Variants in CELF4 observed in about 807,000 individuals in gnomAD.
CELF4 encodes CUG-BP- and ETR-3-like factor 4.
A neutral mutation model predicts 59.9 loss-of-function variants in CELF4; 18 were observed. The ratio of observed to expected loss-of-function variants is 0.30; its 90% CI spans 0.21 to 0.45. CELF4 has a LOEUF of 0.45. Ranked by LOEUF, CELF4 falls within the 20% of genes least tolerant of loss-of-function variation. The pLI is 1.00. For synonymous variants in CELF4, 261 were observed against 267.1 expected (o/e 0.98, Z 0.22); for missense variants, 456 against 689.0 (o/e 0.66, Z 3.79).
chr18:37,436,390 G>A (rs1209670150), intron 2 of CELF4, among the ~76,000 whole-genome samples: 1 of 152,210 alleles, frequency 6.6e-6, no homozygotes, highest in Non-Finnish European at 1.5e-5. Flanking sequence ...TCGCCTTGCA[G>A]TGTCTTATCC....
intron 2 of CELF4, among the ~76,000 whole-genome samples, chr18:37,446,749 C>T (rs2099749285): frequency 1.3e-5 from 2 of 152,180 alleles, no homozygotes; most frequent in Admixed American, 1.3e-4. Flanking sequence ...CCCCTCATCC[C>T]TCACTGTCAA....
chr18:37,312,025 G>T (rs867214308), intron 3 of CELF4, among the ~76,000 whole-genome samples: 1 of 145,114 alleles, frequency 6.9e-6, no homozygotes. Context: ...GCAGGAGAAT[G>T]GCATGAACCT....
chr18:37,249,689 C>T (rs2064239918), intron 12 of CELF4, among the ~76,000 whole-genome samples: 1 of 152,186 alleles, frequency 6.6e-6, no homozygotes, highest in East Asian at 1.9e-4. Flanking sequence ...TTCCCGACCA[C>T]TCTCGGGGTG....
intron 2 of CELF4, among the ~76,000 whole-genome samples, chr18:37,443,428 G>T (rs1383368972): frequency 6.6e-6 from 1 of 152,166 alleles, no homozygotes; most frequent in African/African-American, 2.4e-5. Context: ...AAGGCCCTGG[G>T]CTGGCAGGAG....
At chr18:37,389,646 C>T (rs940436298) in intron 2 of CELF4, among the ~76,000 whole-genome samples, 2 of 152,104 alleles carry the variant, frequency 1.3e-5, no homozygotes, top group African/African-American at 2.4e-5. Context: ...TCCACTCCCC[C>T]GTGCACCCAC....
chr18:37,515,379 T>G (rs2099949511), intron 1 of CELF4, among the ~76,000 whole-genome samples: 2 of 152,202 alleles, frequency 1.3e-5, no homozygotes, highest in Non-Finnish European at 2.9e-5. Context: ...CCAGCCTGGC[T>G]ACCCTCTGCC....
chr18:37,338,450 CACT>C (rs2097858500), intron 2 of CELF4, among the ~76,000 whole-genome samples: 1 of 151,184 alleles, frequency 6.6e-6, no homozygotes, highest in African/African-American at 2.5e-5. Context: ...TCACCACTGT[CACT>C]ACCACCATCA....
At chr18:37,443,960 G>A (rs918635757) in intron 2 of CELF4, among the ~76,000 whole-genome samples, 2 of 152,126 alleles carry the variant, frequency 1.3e-5, no homozygotes, top group Non-Finnish European at 2.9e-5. Context: ...TGGGCCTGAC[G>A]TGTATCTGTG....
chr18:37,402,399 C>T (rs2099339928), intron 2 of CELF4, among the ~76,000 whole-genome samples: 5 of 152,156 alleles, frequency 3.3e-5, no homozygotes, highest in Admixed American at 3.3e-4. Flanking sequence ...CCTCCATGGA[C>T]CTATCTGTTT....
intron 2 of CELF4, among the ~76,000 whole-genome samples, chr18:37,418,083 G>A (rs2099543794): frequency 6.6e-6 from 1 of 152,146 alleles, no homozygotes; most frequent in South Asian, 2.1e-4. Flanking sequence ...CAAGGCAAAA[G>A]TGATCTGATG....
intron 2 of CELF4, among the ~76,000 whole-genome samples, chr18:37,359,447 T>A (rs1361827777): frequency 1.3e-5 from 2 of 152,044 alleles, no homozygotes; most frequent in African/African-American, 4.8e-5. Flanking sequence ...ACTCAAATGA[T>A]CCTCCCTCCA....
intron 10 of CELF4, among the ~76,000 whole-genome samples, chr18:37,259,964 C>T (rs1168516933): frequency 6.6e-6 from 1 of 152,214 alleles, no homozygotes; most frequent in African/African-American, 2.4e-5. Context: ...ATTTCGTTAC[C>T]ACAGTAACAG....
intron 2 of CELF4, among the ~76,000 whole-genome samples, chr18:37,444,492 C>A (rs1034025520): frequency 6.6e-6 from 1 of 152,094 alleles, no homozygotes; most frequent in South Asian, 2.1e-4. Flanking sequence ...ATATTAAATT[C>A]TTTGCTCCAG....
At chr18:37,470,887 T>TGTGTGTGAGAGAGA (rs1325788685) in intron 2 of CELF4, among the ~76,000 whole-genome samples, 2 of 71,924 alleles carry the variant, frequency 2.8e-5, no homozygotes, top group Admixed American at 1.8e-4. Flanking sequence ...TGTGTGTGTG[T>TGTGTGTGAGAGAGA]GACAGAGAGA....
chr18:37,308,808 C>A (rs1490870222), intron 3 of CELF4, among the ~76,000 whole-genome samples: 1 of 152,180 alleles, frequency 6.6e-6, no homozygotes, highest in African/African-American at 2.4e-5. Flanking sequence ...TTCTGCAAAG[C>A]CTTCGTCATT....
intron 1 of CELF4, among the ~76,000 whole-genome samples, chr18:37,493,235 A>C (rs193114045): frequency 3.2e-4 from 49 of 152,294 alleles, no homozygotes; most frequent in Admixed American, 1.8e-3. Context: ...ACCCCTTTAG[A>C]GCCCACGTAA....
intron 2 of CELF4, among the ~76,000 whole-genome samples, chr18:37,422,342 C>T (rs1295103176): frequency 2.0e-5 from 3 of 152,196 alleles, no homozygotes; most frequent in Non-Finnish European, 4.4e-5. Flanking sequence ...CCTGTTTCGG[C>T]CATGTGGTCA....
At chr18:37,447,536 T>G (rs1255600303) in intron 2 of CELF4, among the ~76,000 whole-genome samples, 1 of 152,108 alleles carries the variant, frequency 6.6e-6, no homozygotes. Context: ...GAGCGACCCG[T>G]TTTTCTTTCT....
At chr18:37,553,294 G>C (rs980968796) in intron 1 of CELF4, among the ~76,000 whole-genome samples, 1 of 152,106 alleles carries the variant, frequency 6.6e-6, no homozygotes, top group African/African-American at 2.4e-5. Flanking sequence ...CTCTACTGGG[G>C]CCTCAGCTGG....
Sources: allele counts gnomAD v4.1 joint callset (sites outside exome capture counted in the v4.1 genomes callset), GRCh38; gene constraint gnomAD v4.1.1; transcripts MANE v1.5; gene names NCBI Gene and HGNC (gene_info 2026-07-23, HGNC 2026-07-21).